The following MACO1 variants were observed in gnomAD, a reference collection of about 807,000 sequenced individuals.
The protein encoded by MACO1 is macoilin 1.
In MACO1, 14 loss-of-function variants were observed where a neutral mutation model predicts 78.7. That is an observed-to-expected ratio of 0.18 (90% CI 0.12 to 0.28). The LOEUF (loss-of-function observed/expected upper bound fraction) is 0.28, where lower values mean the gene tolerates loss of function less well. MACO1 is among the 10% of genes least tolerant of loss of function. The pLI is 1.00. For synonymous variants in MACO1, 288 were observed against 291.6 expected, an observed-to-expected ratio of 0.99 and a Z score of 0.12; for missense variants, 501 against 799.0, an observed-to-expected ratio of 0.63 and a Z score of 4.50.
intron 10 of MACO1, among the ~76,000 whole-genome samples, chr1:25,497,428 A>C (rs2043547389): frequency 1.3e-5 from 2 of 151,820 alleles, no homozygotes; most frequent in African/African-American, 4.9e-5. Flanking sequence ...TAATTTAGAC[A>C]GGAGGCTCAG....
rs2043425901 is a variant in MACO1 at position 25,485,861 on chromosome 1, A to G, written c.1496+66A>G. On this transcript the variant is annotated intron_variant, in intron 8 of 10. Coordinates refer to ENST00000374343, the MANE Select transcript of MACO1 (RefSeq NM_018202.6). This position sits in a 1 kb window ranked among gnomAD's most constrained non-coding sequence, Gnocchi z 4.3. ...TTCCTTTACCAACAAAGACATGGGA[A>G]TTTGGTGCCTTGGGCAGGATTGGAC... 1.2e-5 allele frequency: 19 copies of G among 1,535,376 alleles called. No individual in the cohort carries two copies. Among genetic ancestry groups the G allele is most frequent in the Non-Finnish European group, 1.5e-5 (17 of 1,135,304 alleles).
intron 5 of MACO1, 61 bp from the exon 6 acceptor site, chr1:25,458,330 T>C: frequency 6.6e-7 from 1 of 1,522,244 alleles, no homozygotes; most frequent in Non-Finnish European, 8.8e-7. Flanking sequence ...ATCTGTGTTG[T>C]TAAACAACTA....
In MACO1 at chr1:25,458,554, C is replaced by G; in HGVS notation, c.816C>G (p.Asn272Lys). 1 of 1,613,166 alleles carries G rather than the reference C, an allele frequency of 6.2e-7. No homozygotes were observed. Among genetic ancestry groups the G allele is most frequent in the Non-Finnish European group, 8.5e-7 (1 of 1,179,564 alleles). The change falls in exon 6 of 11, where the codon AAC (asparagine) becomes AAG (lysine). Residue 272 changes from asparagine to lysine, a missense_variant. This residue lies in a region of MACO1 where 90 missense variants were observed against 85.7 expected (regional missense o/e 1.05). Coordinates refer to ENST00000374343, the MANE Select transcript of MACO1 (RefSeq NM_018202.6). The part of the protein sequence containing the change: ...DAKKHNLGIN[N>K]NNILQPVDSK... Reference sequence around the variant, plus strand: ...AAAAACACAACCTTGGAATAAATAACAACAATATTCTACAACCTGTAGACT... The same window carrying G: ...AAAAACACAACCTTGGAATAAATAAGAACAATATTCTACAACCTGTAGACT...
In MACO1 at chr1:25,458,390, G is replaced by A; in HGVS notation, c.653-1G>A. On this transcript the variant is annotated splice_acceptor_variant, in intron 5 of 10. Coordinates refer to ENST00000374343, the MANE Select transcript of MACO1 (RefSeq NM_018202.6). LOFTEE classifies it high-confidence loss of function. ...TTGTTGGTTTGTTTTTGGTATTGTAGCAGCCAAAGGATTACCTGATATGGA... is the reference window on the plus strand; with the variant it reads ...TTGTTGGTTTGTTTTTGGTATTGTAACAGCCAAAGGATTACCTGATATGGA... 2 of 1,567,914 alleles carry A rather than the reference G, an allele frequency of 1.3e-6. No individual in the cohort carries two copies. The highest frequency in any genetic ancestry group is 1.2e-5 in the South Asian group (1 of 83,558).
intron 10 of MACO1, among the ~76,000 whole-genome samples, chr1:25,497,391 A>G (rs2043546997): frequency 6.6e-6 from 1 of 151,906 alleles, no homozygotes; most frequent in Admixed American, 6.6e-5. Flanking sequence ...AAAAAAAAAA[A>G]AAAAGAATTT....
intron 6 of MACO1, among the ~76,000 whole-genome samples, chr1:25,476,476 G>A (rs879518525): frequency 3.3e-5 from 5 of 152,316 alleles, no homozygotes; most frequent in Non-Finnish European, 4.4e-5. Context: ...TCATGTTAGT[G>A]TAGGCCTCAC....
At position 25,456,653 on chromosome 1, in the gene MACO1, T is replaced by C; in HGVS notation, c.474T>C (p.Cys158=). ...VDLCRPFAAH[C]IGYPVVTLGF... is the part of the protein sequence containing the mutation. ...ACTGGCTGGATTGTCTTCTTTCTAG[T>C]ATTGGGTACCCTGTGGTAACTTTGG... Residue 158 remains cysteine, a splice_region_variant and synonymous_variant, in exon 5 of 11, where the codon TGT becomes TGC. Transcript: ENST00000374343. 6.2e-7 allele frequency: 1 copy of C among 1,611,914 alleles called. No individual in the cohort carries two copies. The highest frequency in any genetic ancestry group is 2.2e-5 in the East Asian group (1 of 44,800).
intron 1 of MACO1, among the ~76,000 whole-genome samples, chr1:25,437,241 C>A (rs1477711190): frequency 6.7e-6 from 1 of 150,030 alleles, no homozygotes; most frequent in East Asian, 1.9e-4. Flanking sequence ...TTCAAGAGAT[C>A]CTTACACTTC....
At position 25,485,438 on chromosome 1, in the gene MACO1, GA is replaced by G. The variant is rs1169140713; in HGVS notation, c.1314-173del. On this transcript the variant is annotated intron_variant, in intron 7 of 10. Coordinates refer to ENST00000374343, the MANE Select transcript of MACO1 (RefSeq NM_018202.6). This position sits in a 1 kb window ranked among gnomAD's most constrained non-coding sequence, Gnocchi z 4.3. The stretch of plus-strand genomic sequence containing the variant: ...AGGCAGCTTGTTTATTGGTGTTTAG[GA>G]ATTATTAAAGAATAACAGTGTGTTT... Among the ~76,000 whole-genome samples, 1 of 152,122 alleles carries G rather than the reference GA, an allele frequency of 6.6e-6. No individual in the cohort carries two copies.
In MACO1 at chr1:25,433,149, G is replaced by A. The variant is rs543809654; in HGVS notation, c.80+1971G>A. Among the ~76,000 whole-genome samples, 17 of 152,242 alleles carry A rather than the reference G, an allele frequency of 1.1e-4. No homozygotes were observed. The South Asian group carries it at 3.1e-3, about 28-fold the overall frequency. ...TTCTTTAAGTTAAATGTTAATAAAA[G>A]ACCTAAATGTATTTCTAACTGTCTT... On this transcript the variant is annotated intron_variant, in intron 1 of 10. Transcript: ENST00000374343.
intron 6 of MACO1, among the ~76,000 whole-genome samples, chr1:25,475,085 C>G (rs1486317981): frequency 1.3e-5 from 2 of 152,222 alleles, no homozygotes; most frequent in African/African-American, 2.4e-5. Context: ...TGGCTCACGC[C>G]TGTAATCCCA....
intron 1 of MACO1, among the ~76,000 whole-genome samples, chr1:25,443,582 T>C (rs1335885134): frequency 2.6e-5 from 4 of 152,286 alleles, no homozygotes; most frequent in South Asian, 4.1e-4. Context: ...CTTAAAGTTA[T>C]GCAATTGAAA....
At chr1:25,491,301 C>A in intron 9 of MACO1, 109 bp from the exon 10 acceptor site, 5 of 1,471,668 alleles carry the variant, frequency 3.4e-6, no homozygotes, top group Non-Finnish European at 4.6e-6. Flanking sequence ...ATTTTGTGTT[C>A]TAGTGGCCAG....
intron 6 of MACO1, among the ~76,000 whole-genome samples, chr1:25,483,500 G>T (rs2043399148): frequency 6.6e-6 from 1 of 152,202 alleles, no homozygotes; most frequent in African/African-American, 2.4e-5. Flanking sequence ...TTTTACAGAT[G>T]GAGTTCTCTT....
chr1:25,454,438 ATGTGTGTGTGTGTG>A (rs71589767), intron 4 of MACO1, 56 bp downstream of exon 4: 5 of 258,912 alleles, frequency 1.9e-5, no homozygotes, highest in Middle Eastern at 1.2e-3. Context: ...ATGTATATAT[ATGTGTGTGTGTGTG>A]TGTGTGTGTG....
chr1:25,443,859 C>T (rs2042992520), intron 1 of MACO1, among the ~76,000 whole-genome samples: 2 of 151,948 alleles, frequency 1.3e-5, no homozygotes, highest in African/African-American at 2.4e-5. Flanking sequence ...GGGTACCCTT[C>T]ATGTCTCATT....
chr1:25,487,425 TTACAGGC>T (rs2043443662), intron 8 of MACO1, among the ~76,000 whole-genome samples: 1 of 152,196 alleles, frequency 6.6e-6, no homozygotes, highest in Admixed American at 6.5e-5. Flanking sequence ...AGTGCTGGGA[TTACAGGC>T]GTGAGCCACC....
chr1:25,462,571 A>G (rs930965784), intron 6 of MACO1, among the ~76,000 whole-genome samples: 28 of 152,322 alleles, frequency 1.8e-4, no homozygotes, highest in East Asian at 3.9e-4. Context: ...CCAGTACTAT[A>G]TTAACTAACC....
rs2124617307 is a variant in MACO1 at position 25,498,638 on chromosome 1, A to G, written c.*172A>G. On this transcript the variant is annotated 3_prime_UTR_variant, in exon 11 of 11. Transcript: ENST00000374343. ...CATCCAAGTCTGATTAGAACTGCCC[A>G]TCAGTTTTTCTTGTAAATTTTTAGA... is the stretch of plus-strand genomic sequence containing the variant. The G allele has an allele frequency of 3.5e-6, 2 of 566,744 alleles. No individual in the cohort carries two copies. Among genetic ancestry groups the G allele is most frequent in the Non-Finnish European group, 5.8e-6 (2 of 344,188 alleles). 35.1% of individuals were successfully genotyped at this position (566,744 alleles called of 1,614,324 possible).
Sources: gnomAD v4.1 joint callset for allele counts (sites outside exome capture counted in the v4.1 genomes callset) on GRCh38, gnomAD v4.1.1 for gene constraint, gnomAD v4.1.1 regional missense constraint, Gnocchi (gnomAD v3.1) non-coding constraint, MANE v1.5 for transcripts, NCBI Gene and HGNC (gene_info 2026-07-23, HGNC 2026-07-21) for gene names.